The following CSGALNACT1 variants were observed in gnomAD, a reference collection of about 807,000 sequenced individuals.
CSGALNACT1 encodes chondroitin sulfate N-acetylgalactosaminyltransferase 1, also known as beta4GalNAcT-1.
A neutral mutation model predicts 51.0 loss-of-function variants in CSGALNACT1; 52 were observed. The ratio of observed to expected loss-of-function variants is 1.02; its 90% CI spans 0.82 to 1.29. The LOEUF (loss-of-function observed/expected upper bound fraction) is 1.29. Ranked by LOEUF, CSGALNACT1 falls within the 50% of genes most tolerant of loss-of-function variation. The pLI, the probability that CSGALNACT1 is intolerant of heterozygous loss-of-function variation, is 0.00. For synonymous variants in CSGALNACT1, 341 were observed against 254.4 expected (o/e 1.34, Z -3.24); for missense variants, 935 against 679.2 (o/e 1.38, Z -4.19).
At chr8:19,475,070 A>G (rs1005433541) in intron 4 of CSGALNACT1, among the ~76,000 whole-genome samples, 1 of 152,010 alleles carries the variant, frequency 6.6e-6, no homozygotes, top group African/African-American at 2.4e-5. Flanking sequence ...TGCTGGGGAG[A>G]TTTTGAGAAG....
chr8:19,655,050 G>A lies in CSGALNACT1; in HGVS notation c.-544+27423C>T, dbSNP rs369751008. Reference sequence around the variant, plus strand: ...AAAAATGGGTATCAAAATACATTGAGTAATAAGCCAATAAATGTTAGGGAA... The same window carrying A: ...AAAAATGGGTATCAAAATACATTGAATAATAAGCCAATAAATGTTAGGGAA... On this transcript the variant is annotated intron_variant, in intron 1 of 9. Coordinates refer to the CSGALNACT1 transcript ENST00000332246. Among the ~76,000 whole-genome samples, 23 of 152,248 alleles carry A rather than the reference G, an allele frequency of 1.5e-4. 1 individual carries two copies. The highest frequency in any genetic ancestry group is 5.3e-4 in the African/African-American group (22 of 41,536).
Position 19,528,099 on chromosome 8 carries a change from C to T in CSGALNACT1, c.-296-21969G>A, listed in dbSNP as rs537177641. On this transcript the variant is annotated intron_variant, in intron 3 of 9. Coordinates refer to ENST00000454498, the Ensembl canonical transcript of CSGALNACT1. ...ACCCACATTGTTATGAACTTGGGGG[C>T]TGAGGCTCTGCCTGAGTAGGTTTGA... Among the ~76,000 whole-genome samples the T allele has an allele frequency of 2.6e-5, 4 of 152,194 alleles. No homozygotes were observed. The South Asian group carries it at 8.3e-4, about 32-fold the overall frequency.
At chr8:19,695,180 G>T (rs1564438797) in intron 1 of CSGALNACT1, among the ~76,000 whole-genome samples, 1 of 152,060 alleles carries the variant, frequency 6.6e-6, no homozygotes, top group Non-Finnish European at 1.5e-5. Flanking sequence ...ACAGTGCATT[G>T]TTATTATTTT....
intron 1 of CSGALNACT1, among the ~76,000 whole-genome samples, chr8:19,712,110 C>G (rs1246127198): frequency 6.6e-6 from 1 of 152,146 alleles, no homozygotes; most frequent in Non-Finnish European, 1.5e-5. Flanking sequence ...ACTGCAAGCT[C>G]CGCCTCCCAG....
chr8:19,466,268 C>T (rs7002047), intron 4 of CSGALNACT1, among the ~76,000 whole-genome samples: 55,648 of 152,058 alleles, frequency 0.37, 10,834 homozygotes, highest in African/African-American at 0.46. Context: ...GAGGGCAAAA[C>T]ACTACTTTCT....
chr8:19,722,946 T>C (rs924247955), intron 1 of CSGALNACT1, among the ~76,000 whole-genome samples: 4 of 152,210 alleles, frequency 2.6e-5, no homozygotes, highest in Non-Finnish European at 5.9e-5. Flanking sequence ...ACTAGGCTAT[T>C]TGGATTTCCT....
At chr8:19,434,841 A>G (rs1224769171) in intron 6 of CSGALNACT1, among the ~76,000 whole-genome samples, 1 of 150,282 alleles carries the variant, frequency 6.7e-6, no homozygotes, top group East Asian at 1.9e-4. Context: ...TTGTTTAAGA[A>G]AAAAAAAAAA....
Position 19,753,765 on chromosome 8 carries a change from C to A in CSGALNACT1, c.-297+4085G>T, listed in dbSNP as rs73592442. On this transcript the variant is annotated intron_variant, in intron 1 of 1. Coordinates refer to the CSGALNACT1 transcript ENST00000517494. ...TATAATGTTCTCATTCATTTACATA[C>A]AATATGGCAATATTTTCAGTAATAA... 2.4e-3 allele frequency among the ~76,000 whole-genome samples: 361 copies of A among 152,282 alleles called. 1 individual carries two copies. The highest frequency in any genetic ancestry group is 8.2e-3 in the African/African-American group (339 of 41,546).
chr8:19,502,946 A>G lies in CSGALNACT1; in HGVS notation c.634+2255T>C, dbSNP rs182691685. Among the ~76,000 whole-genome samples, 18 of 122,520 alleles carry G rather than the reference A, an allele frequency of 1.5e-4. No homozygotes were observed. The East Asian group carries it at 4.1e-3, about 28-fold the overall frequency. The allele number at this position is 122,520 out of a possible 152,430, so 80.4% of individuals were successfully genotyped here. Reference sequence around the variant, plus strand: ...TTGATGATAGAATTCTTGTAGTGCCAGGAATCCCACTTTGTTCTGAAACAT... The same window carrying G: ...TTGATGATAGAATTCTTGTAGTGCCGGGAATCCCACTTTGTTCTGAAACAT... On this transcript the variant is annotated intron_variant, in intron 4 of 9. Coordinates refer to ENST00000454498, the Ensembl canonical transcript of CSGALNACT1.
At chr8:19,653,499 A>C (rs902927461) in intron 1 of CSGALNACT1, among the ~76,000 whole-genome samples, 1 of 152,192 alleles carries the variant, frequency 6.6e-6, no homozygotes, top group African/African-American at 2.4e-5. Context: ...ACCAAATCAC[A>C]ATCTTCAGCT....
intron 3 of CSGALNACT1, among the ~76,000 whole-genome samples, chr8:19,530,935 C>T (rs1280172885): frequency 6.6e-6 from 1 of 152,182 alleles, no homozygotes; most frequent in Non-Finnish European, 1.5e-5. Flanking sequence ...TGCCTTGAAC[C>T]TACAGGGGGT....
At chr8:19,714,877 C>T (rs184276483) in intron 1 of CSGALNACT1, among the ~76,000 whole-genome samples, 2 of 152,046 alleles carry the variant, frequency 1.3e-5, no homozygotes, top group Admixed American at 1.3e-4. Context: ...AGGTAATAAG[C>T]GTAATACCTG....
At chr8:19,730,693 T>C (rs923350975) in intron 1 of CSGALNACT1, among the ~76,000 whole-genome samples, 1 of 152,204 alleles carries the variant, frequency 6.6e-6, no homozygotes, top group Admixed American at 6.5e-5. Context: ...GTGACGGAGT[T>C]GCCTGGCTCC....
intron 5 of CSGALNACT1, among the ~76,000 whole-genome samples, chr8:19,455,197 T>A (rs570263337): frequency 2.7e-4 from 41 of 152,312 alleles, no homozygotes; most frequent in African/African-American, 9.6e-4. Context: ...AAGTATTACC[T>A]TTTACAAACT....
intron 3 of CSGALNACT1, among the ~76,000 whole-genome samples, chr8:19,559,718 C>T (rs2040277476): frequency 6.6e-6 from 1 of 152,056 alleles, no homozygotes; most frequent in African/African-American, 2.4e-5. Context: ...CAAAAAGTGC[C>T]TAGCAATAAA....
intron 5 of CSGALNACT1, among the ~76,000 whole-genome samples, chr8:19,442,728 A>G (rs1156233026): frequency 2.0e-5 from 3 of 151,638 alleles, no homozygotes; most frequent in African/African-American, 4.8e-5. Context: ...AAAAAAAAAA[A>G]AGACTATGAA....
intron 5 of CSGALNACT1, among the ~76,000 whole-genome samples, chr8:19,450,852 G>C (rs1010661578): frequency 1.3e-5 from 2 of 152,090 alleles, no homozygotes; most frequent in Admixed American, 1.3e-4. Context: ...TGAGGCTGCA[G>C]TGAGCCATGA....
intron 6 of CSGALNACT1, among the ~76,000 whole-genome samples, chr8:19,426,523 C>T (rs1336857708): frequency 6.6e-6 from 1 of 152,218 alleles, no homozygotes; most frequent in African/African-American, 2.4e-5. Context: ...GGGGGCACTA[C>T]ATTTTATATT....
At chr8:19,674,267 T>C (rs544246705) in intron 1 of CSGALNACT1, among the ~76,000 whole-genome samples, 2 of 152,184 alleles carry the variant, frequency 1.3e-5, no homozygotes, top group South Asian at 4.2e-4. Flanking sequence ...CGCTCCAGCC[T>C]GGGTCACAAA....
Sources: gnomAD v4.1 joint callset for allele counts (sites outside exome capture counted in the v4.1 genomes callset) on GRCh38, gnomAD v4.1.1 for gene constraint, MANE v1.5 for transcripts, NCBI Gene and HGNC (gene_info 2026-07-23, HGNC 2026-07-21) for gene names.